The following CACNA1C variants were observed in gnomAD, a reference collection of about 807,000 sequenced individuals.
The protein encoded by CACNA1C is voltage-dependent L-type calcium channel subunit alpha-1C.
CACNA1C carries 30 observed loss-of-function variants against 229.0 expected under a neutral mutation model. The observed-to-expected ratio is 0.13, with a 90% CI of 0.10 to 0.18. CACNA1C has a LOEUF of 0.18. Among genes scored for constraint, CACNA1C ranks in the 10% least tolerant of loss-of-function variants. The pLI, the probability that CACNA1C is intolerant of heterozygous loss-of-function variation, is 1.00. For synonymous variants in CACNA1C, 1,114 were observed against 1,132.5 expected (o/e 0.98, Z 0.33); for missense variants, 1,658 against 2,845.0 (o/e 0.58, Z 9.49).
At chr12:2,059,929 C>A (rs1398526558) in intron 1 of CACNA1C, among the ~76,000 whole-genome samples, 3 of 152,142 alleles carry the variant, frequency 2.0e-5, no homozygotes, top group Non-Finnish European at 4.4e-5. Context: ...CTTCCTCCCC[C>A]TGCCTCCACC....
chr12:2,435,392 C>G (rs1393944242), intron 3 of CACNA1C, among the ~76,000 whole-genome samples: 2 of 152,204 alleles, frequency 1.3e-5, no homozygotes, highest in Non-Finnish European at 2.9e-5. Flanking sequence ...ACTGTGCACC[C>G]CAAAGGCAGG....
chr12:2,546,195 A>T (rs1211472881), intron 9 of CACNA1C, among the ~76,000 whole-genome samples: 909 of 86,702 alleles, frequency 0.01, no homozygotes, highest in Middle Eastern at 0.05. Context: ...GTCTTCACAC[A>T]CTCCTGTGCA....
At chr12:2,273,953 G>C (rs1022510504) in intron 3 of CACNA1C, among the ~76,000 whole-genome samples, 1 of 152,218 alleles carries the variant, frequency 6.6e-6, no homozygotes. Context: ...GTCCATGCAA[G>C]GGGTGTGGGC....
chr12:2,041,780 T>C (rs1301825070), intron 1 of CACNA1C, among the ~76,000 whole-genome samples: 1 of 152,256 alleles, frequency 6.6e-6, no homozygotes, highest in Admixed American at 6.5e-5. Context: ...CCAAGGTCTG[T>C]AGCCCTGGCC....
intron 3 of CACNA1C, among the ~76,000 whole-genome samples, chr12:2,368,528 A>G (rs1010234670): frequency 2.6e-5 from 4 of 152,252 alleles, no homozygotes; most frequent in African/African-American, 9.6e-5. Flanking sequence ...ATTTACAACA[A>G]TTACAAAACT....
intron 1 of CACNA1C, among the ~76,000 whole-genome samples, chr12:2,094,313 G>A (rs769761144): frequency 1.3e-5 from 2 of 152,150 alleles, no homozygotes; most frequent in African/African-American, 4.8e-5. Flanking sequence ...AAGGAGTTCC[G>A]GTGGTCCTAG....
At chr12:2,397,587 G>A (rs186927390) in intron 3 of CACNA1C, among the ~76,000 whole-genome samples, 1 of 152,238 alleles carries the variant, frequency 6.6e-6, no homozygotes, top group Non-Finnish European at 1.5e-5. Context: ...TGGTAATCAG[G>A]CTTGTGGTTG....
chr12:2,171,830 C>T (rs1224473116), intron 3 of CACNA1C, among the ~76,000 whole-genome samples: 1 of 152,130 alleles, frequency 6.6e-6, no homozygotes, highest in East Asian at 1.9e-4. Context: ...GAGAGGAAGG[C>T]CTCCCCGAGG....
chr12:2,252,150 AAGTTGGCTC>A (rs1234918400), intron 3 of CACNA1C, among the ~76,000 whole-genome samples: 2 of 152,174 alleles, frequency 1.3e-5, no homozygotes, highest in African/African-American at 4.8e-5. Context: ...CCACTAAATC[AAGTTGGCTC>A]AGCTCCTGCT....
Position 1,984,421 on chromosome 12 carries a change from C to A in CACNA1C, c.139+13220C>A, listed in dbSNP as rs1287160419. On this transcript the variant is annotated intron_variant, in intron 1 of 46. Transcript: ENST00000682462. ...TGGTTGCTCTAAGAAATACAATATA[C>A]ATATCTAACTTTACCCAGTCTATAC... Among the ~76,000 whole-genome samples the A allele has an allele frequency of 3.3e-5, 5 of 152,058 alleles. No individual in the cohort carries two copies. In the South Asian group the frequency reaches 8.3e-4, roughly 25 times the overall value.
intron 29 of CACNA1C, among the ~76,000 whole-genome samples, chr12:2,616,268 C>T (rs2080512302): frequency 6.6e-6 from 1 of 152,218 alleles, no homozygotes; most frequent in Admixed American, 6.5e-5. Context: ...CCAGTCTCCG[C>T]TCTCTTTCTG....
chr12:2,392,986 T>G (rs1361883310), intron 3 of CACNA1C, among the ~76,000 whole-genome samples: 1 of 152,160 alleles, frequency 6.6e-6, no homozygotes, highest in East Asian at 1.9e-4. Context: ...TTGACTACTG[T>G]TAACCCTCTA....
At chr12:1,996,642 AAAAAAAAAAAAAAC>A (rs1490225006) in intron 1 of CACNA1C, among the ~76,000 whole-genome samples, 2,525 of 116,734 alleles carry the variant, frequency 0.022, 155 homozygotes, top group African/African-American at 0.07. Flanking sequence ...AAAAAAAAAA[AAAAAAAAAAAAAAC>A]AACAAACTCT....
At chr12:2,263,231 G>A (rs1390783350) in intron 3 of CACNA1C, among the ~76,000 whole-genome samples, 1 of 151,392 alleles carries the variant, frequency 6.6e-6, no homozygotes, top group Non-Finnish European at 1.5e-5. Context: ...AGTATGCCCA[G>A]CGTGTCTGGG....
chr12:2,147,803 CA>C (rs2094860760), intron 3 of CACNA1C, among the ~76,000 whole-genome samples: 1 of 150,784 alleles, frequency 6.6e-6, no homozygotes, highest in African/African-American at 2.4e-5. Flanking sequence ...GGCAAATAGG[CA>C]GTAGGTTTTC....
At chr12:2,546,267 T>A (rs1173917123) in intron 9 of CACNA1C, among the ~76,000 whole-genome samples, 2 of 152,162 alleles carry the variant, frequency 1.3e-5, no homozygotes, top group African/African-American at 2.4e-5. Flanking sequence ...TTCTGTGCAG[T>A]AGCTGGTGTC....
intron 9 of CACNA1C, among the ~76,000 whole-genome samples, chr12:2,542,984 C>A (rs2099875227): frequency 2.6e-5 from 4 of 152,188 alleles, no homozygotes; most frequent in Admixed American, 2.6e-4. Context: ...TTCCAGAATA[C>A]AGACTGGTCA....
intron 3 of CACNA1C, among the ~76,000 whole-genome samples, chr12:2,168,081 C>T (rs1296532718): frequency 2.0e-5 from 3 of 152,028 alleles, no homozygotes; most frequent in Non-Finnish European, 4.4e-5. Flanking sequence ...TGTTTGTGTA[C>T]ATGTGTGCAT....
chr12:2,438,568 G>A (rs559833877), intron 3 of CACNA1C, among the ~76,000 whole-genome samples: 14 of 152,118 alleles, frequency 9.2e-5, no homozygotes, highest in South Asian at 8.3e-4. Context: ...GAAAGCTGCC[G>A]GAAACAGCCT....
Sources: allele counts gnomAD v4.1 joint callset (sites outside exome capture counted in the v4.1 genomes callset), GRCh38; gene constraint gnomAD v4.1.1; transcripts MANE v1.5; gene names NCBI Gene and HGNC (gene_info 2026-07-23, HGNC 2026-07-21).